Variants in NELL1 observed in about 807,000 individuals in gnomAD.
NELL1 encodes the protein protein kinase C-binding protein NELL1.
NELL1 carries 76 observed loss-of-function variants against 107.4 expected under a neutral mutation model. That is an observed-to-expected ratio of 0.71 (90% CI 0.59 to 0.86). The LOEUF is 0.86. Among genes scored for constraint, NELL1 ranks in the 40% least tolerant of loss-of-function variants. The probability of loss-of-function intolerance (pLI) is 0.00; values close to 1 mark genes in which losing one functional copy is unlikely to be tolerated. For synonymous variants in NELL1, 353 were observed against 341.2 expected (o/e 1.03, Z -0.38); for missense variants, 1,024 against 1,005.5 (o/e 1.02, Z -0.25).
chr11:20,681,141 T>TC (rs1297580253), intron 2 of NELL1, among the ~76,000 whole-genome samples: 4 of 152,268 alleles, frequency 2.6e-5, no homozygotes, highest in African/African-American at 9.6e-5. Context: ...ATAGTGTGTC[T>TC]CCTTTTATTG....
intron 4 of NELL1, among the ~76,000 whole-genome samples, chr11:20,881,117 T>G (rs1263554982): frequency 6.6e-6 from 1 of 152,194 alleles, no homozygotes; most frequent in Non-Finnish European, 1.5e-5. Flanking sequence ...ATGAACTTGT[T>G]TCCCCTTTTC....
At chr11:21,298,064 A>G (rs539346112) in intron 14 of NELL1, among the ~76,000 whole-genome samples, 11 of 152,058 alleles carry the variant, frequency 7.2e-5, no homozygotes, top group Admixed American at 2.0e-4. Flanking sequence ...TTTTACCCCA[A>G]AAAGTCTGCC....
chr11:21,427,719 T>C (rs1372674154), intron 15 of NELL1, among the ~76,000 whole-genome samples: 1 of 152,092 alleles, frequency 6.6e-6, no homozygotes, highest in Non-Finnish European at 1.5e-5. Flanking sequence ...CACACAAACA[T>C]ACACACAAAA....
At chr11:21,100,389 G>A (rs370045917) in intron 12 of NELL1, among the ~76,000 whole-genome samples, 51 of 152,198 alleles carry the variant, frequency 3.4e-4, no homozygotes, top group African/African-American at 1.2e-3. Context: ...AACAATCATC[G>A]CTATTTTCAA....
At chr11:20,698,104 A>C (rs1402733692) in intron 2 of NELL1, among the ~76,000 whole-genome samples, 4 of 152,176 alleles carry the variant, frequency 2.6e-5, no homozygotes, top group African/African-American at 4.8e-5. Flanking sequence ...ATTTAGTATA[A>C]CTTTGCATTT....
intron 2 of NELL1, among the ~76,000 whole-genome samples, chr11:20,743,208 G>T (rs1281997597): frequency 6.6e-6 from 1 of 152,010 alleles, no homozygotes; most frequent in Non-Finnish European, 1.5e-5. Flanking sequence ...ACAAAGATTA[G>T]CCAGGTGTGA....
rs532651303 is a variant in NELL1 at position 20,783,699 on chromosome 11, T to G, written c.204T>G (p.His68Gln). The G allele has an allele frequency of 1.2e-6, 2 of 1,613,692 alleles. No individual in the cohort carries two copies. Among genetic ancestry groups the G allele is most frequent in the Non-Finnish European group, 1.7e-6 (2 of 1,179,814 alleles). ...TCCTAGACATAGAAAGAGAGATCCA[T>G]GCAGCTCCTCATGTGAGTGAGAAAT... Reference protein sequence around the residue: ...FLFQDIEREIHAAPHVSEKLI... With the variant: ...FLFQDIEREIQAAPHVSEKLI... Residue 68 changes from histidine to glutamine, a missense_variant, in exon 3 of 20, where the codon CAT becomes CAG. Transcript: ENST00000357134.
rs75374065 is a variant in NELL1, at chr11:20,853,867, T to C, written c.506+6114T>C. On this transcript the variant is annotated intron_variant, in intron 4 of 19. Coordinates refer to ENST00000357134, the MANE Select transcript of NELL1 (RefSeq NM_006157.5). ...CAGTATTGCATGCTTTTTACACCAATAGAATCACTTTAAAAATTTGTAACT... is the reference window on the plus strand; with the variant it reads ...CAGTATTGCATGCTTTTTACACCAACAGAATCACTTTAAAAATTTGTAACT... Among the ~76,000 whole-genome samples the C allele has an allele frequency of 2.5e-3, 385 of 152,248 alleles. 1 individual carries two copies. The highest frequency in any genetic ancestry group is 8.5e-3 in the African/African-American group (353 of 41,558).
At chr11:20,690,343 A>G (rs1000372549) in intron 2 of NELL1, among the ~76,000 whole-genome samples, 1 of 152,238 alleles carries the variant, frequency 6.6e-6, no homozygotes, top group African/African-American at 2.4e-5. Flanking sequence ...TGTTTTAGAC[A>G]TGAAGTCCTT....
intron 13 of NELL1, chr11:21,169,766 G>A: frequency 8.3e-7 from 1 of 1,208,334 alleles, no homozygotes; most frequent in Admixed American, 2.2e-5. Context: ...CATTGAGGTG[G>A]CGGTGGAGTC....
intron 3 of NELL1, among the ~76,000 whole-genome samples, chr11:20,787,765 A>G (rs369408833): frequency 2.4e-4 from 36 of 152,206 alleles, no homozygotes; most frequent in African/African-American, 8.4e-4. Flanking sequence ...AGCTTTTAGT[A>G]TAATCACAGA....
chr11:21,465,067 T>C (rs559220643), intron 15 of NELL1, among the ~76,000 whole-genome samples: 4 of 152,156 alleles, frequency 2.6e-5, no homozygotes, highest in East Asian at 1.9e-4. Context: ...CAGTAAATGT[T>C]TGGTGAGTAC....
chr11:20,845,042 G>C (rs1345110571), intron 3 of NELL1, among the ~76,000 whole-genome samples: 1 of 152,158 alleles, frequency 6.6e-6, no homozygotes, highest in Non-Finnish European at 1.5e-5. Flanking sequence ...ATTTTATCCA[G>C]ATGTCACTTA....
intron 15 of NELL1, among the ~76,000 whole-genome samples, chr11:21,379,332 C>T (rs1851555906): frequency 6.6e-6 from 1 of 151,972 alleles, no homozygotes; most frequent in Non-Finnish European, 1.5e-5. Context: ...AAATAGCAGA[C>T]CTTGACTTTC....
At chr11:20,817,554 T>C (rs1258935379) in intron 3 of NELL1, among the ~76,000 whole-genome samples, 1 of 152,078 alleles carries the variant, frequency 6.6e-6, no homozygotes, top group Non-Finnish European at 1.5e-5. Context: ...TAGCTAGCAG[T>C]CTATCAATCT....
intron 12 of NELL1, among the ~76,000 whole-genome samples, chr11:20,964,983 G>A (rs956140793): frequency 1.3e-5 from 2 of 152,140 alleles, no homozygotes; most frequent in East Asian, 3.9e-4. Context: ...TTTGGGGGTG[G>A]GGAGTTATGC....
intron 14 of NELL1, among the ~76,000 whole-genome samples, chr11:21,337,837 T>TTGC (rs1555006224): frequency 0.017 from 1,486 of 86,646 alleles, 44 homozygotes; most frequent in Middle Eastern, 0.035. Context: ...TCTTTCTTTC[T>TTGC]TTTCTTTCTT....
chr11:21,332,818 A>G (rs777291959), intron 14 of NELL1, among the ~76,000 whole-genome samples: 1 of 151,994 alleles, frequency 6.6e-6, no homozygotes, highest in Non-Finnish European at 1.5e-5. Flanking sequence ...ATTTCTTCCA[A>G]CTAGAGAACA....
At chr11:21,062,372 G>A (rs1446239338) in intron 12 of NELL1, among the ~76,000 whole-genome samples, 1 of 152,114 alleles carries the variant, frequency 6.6e-6, no homozygotes, top group Non-Finnish European at 1.5e-5. Flanking sequence ...TATTTCTTTT[G>A]AGTAGTGCTG....
Sources: gnomAD v4.1 joint callset for allele counts (sites outside exome capture counted in the v4.1 genomes callset) on GRCh38, gnomAD v4.1.1 for gene constraint, MANE v1.5 for transcripts, NCBI Gene and HGNC (gene_info 2026-07-23, HGNC 2026-07-21) for gene names.